Variants in TRPM2 observed in about 807,000 individuals in gnomAD.
The protein encoded by TRPM2 is estrogen-responsive element-associated gene 1 protein.
A neutral mutation model predicts 174.0 loss-of-function variants in TRPM2; 161 were observed. The ratio of observed to expected loss-of-function variants is 0.93; its 90% CI spans 0.81 to 1.05. TRPM2 has a LOEUF of 1.05. Among genes scored for constraint, TRPM2 ranks in the 50% least tolerant of loss-of-function variants. TRPM2 has a pLI of 0.00. For missense variants in TRPM2, 2,057 were observed against 2,038.0 expected, an observed-to-expected ratio of 1.01 and a Z score of -0.18; for synonymous variants, 954 against 861.3, an observed-to-expected ratio of 1.11 and a Z score of -1.88.
intron 26 of TRPM2, 27 bp downstream of exon 26, chr21:44,426,763 C>T (rs2146382737): frequency 6.2e-7 from 1 of 1,612,084 alleles, no homozygotes; most frequent in South Asian, 1.1e-5. Flanking sequence ...GTCCGTGCTC[C>T]CAGCTGGCCC....
chr21:44,425,238 C>T (rs1006149087), intron 24 of TRPM2: 46 of 420,958 alleles, frequency 1.1e-4, no homozygotes, highest in Non-Finnish European at 1.7e-4. Context: ...GCGAGGCGGG[C>T]GGCTGCAGAC....
In TRPM2 at chr21:44,391,111, T is replaced by C. The variant is rs1602197951; in HGVS notation, c.1440+86T>C. 1.4e-5 allele frequency: 22 copies of C among 1,592,304 alleles called. No individual in the cohort carries two copies. In the South Asian group the frequency reaches 2.4e-4, roughly 17 times the overall value. ...AAGCAAGGGCAGGCAAAGTTCGCAT[T>C]GTCTGGATCCCAGCCCTTCCCTTGA... On this transcript the variant is annotated intron_variant, in intron 10 of 31. Coordinates refer to ENST00000397928, the MANE Select transcript of TRPM2 (RefSeq NM_003307.4). The surrounding 1 kb of genome is among the most constrained non-coding windows in gnomAD (Gnocchi z 5.0).
At chr21:44,404,181 A>G (rs1159688463) in intron 16 of TRPM2, among the ~76,000 whole-genome samples, 1 of 152,138 alleles carries the variant, frequency 6.6e-6, no homozygotes, top group African/African-American at 2.4e-5. Flanking sequence ...ACATGCACAC[A>G]CAAAAACATG....
chr21:44,437,179 G>C lies in TRPM2; in HGVS notation c.4167+12G>C, dbSNP rs917338601. 1 of 1,549,178 alleles carries C rather than the reference G, an allele frequency of 6.5e-7. No homozygotes were observed. The highest frequency in any genetic ancestry group is 1.2e-5 in the South Asian group (1 of 84,006). On this transcript the variant is annotated intron_variant, in intron 29 of 31. Transcript: ENST00000397928. ...GGGCCCTGCCTGGGGTAAGGCTGCC[G>C]CGTGTGGGACCTCTGTCCACTGGGC...
At chr21:44,380,743 G>T (rs2048855555) in intron 8 of TRPM2, among the ~76,000 whole-genome samples, 1 of 152,182 alleles carries the variant, frequency 6.6e-6, no homozygotes, top group Non-Finnish European at 1.5e-5. Flanking sequence ...CGTCAGAGGG[G>T]CCCGGGGACC....
At chr21:44,426,936 G>A in intron 26 of TRPM2, 74 bp from the exon 27 acceptor site, 3 of 1,467,954 alleles carry the variant, frequency 2.0e-6, no homozygotes, top group South Asian at 2.5e-5. Context: ...TGGTGGGGGG[G>A]TGATCCCTCT....
upstream of TRPM2, among the ~76,000 whole-genome samples, chr21:44,352,369 G>A (rs975192953): frequency 2.0e-5 from 3 of 152,220 alleles, no homozygotes; most frequent in African/African-American, 7.2e-5. Context: ...GAGAGTGCCC[G>A]CCCCAGGACA....
chr21:44,358,235 C>T (rs949557515), intron 2 of TRPM2, among the ~76,000 whole-genome samples: 2 of 152,220 alleles, frequency 1.3e-5, no homozygotes, highest in Non-Finnish European at 2.9e-5. Flanking sequence ...GACCTTTGTG[C>T]TCACATTTTG....
In TRPM2 at chr21:44,437,043, A is replaced by G. The variant is rs757792151; in HGVS notation, c.4062-19A>G. The G allele has an allele frequency of 2.7e-5, 42 of 1,548,170 alleles. No individual in the cohort carries two copies. The highest frequency in any genetic ancestry group is 3.6e-5 in the Non-Finnish European group (41 of 1,146,062). ...AGGCCGCAGCGGGTCCTGGGCAGCC[A>G]TGGCCGCTCTCTCCGCAGGTGGAGG... On this transcript the variant is annotated intron_variant, in intron 28 of 31. Transcript: ENST00000397928.
intron 16 of TRPM2, among the ~76,000 whole-genome samples, chr21:44,402,452 G>T (rs967287215): frequency 6.6e-6 from 1 of 152,182 alleles, no homozygotes; most frequent in Non-Finnish European, 1.5e-5. Context: ...ATGATGTGTG[G>T]CCTCATGCAT....
At chr21:44,363,310 A>G (rs1180774935) in intron 2 of TRPM2, among the ~76,000 whole-genome samples, 2 of 152,020 alleles carry the variant, frequency 1.3e-5, no homozygotes, top group African/African-American at 4.8e-5. Context: ...ATCTTTTGTT[A>G]TAGTGCTGCA....
chr21:44,355,854 CCGGACACCCA>C (rs1264317195), intron 2 of TRPM2, among the ~76,000 whole-genome samples: 2 of 150,938 alleles, frequency 1.3e-5, no homozygotes, highest in Non-Finnish European at 2.9e-5. Flanking sequence ...GGAATTGTTC[CCGGACACCCA>C]CGGACACCAA....
intron 8 of TRPM2, among the ~76,000 whole-genome samples, chr21:44,382,073 TATGGATGGATGGAAAG>T (rs369299760): frequency 1.6e-3 from 237 of 150,960 alleles, no homozygotes; most frequent in African/African-American, 5.6e-3. Flanking sequence ...TGGGTGTGTG[TATGGATGGATGGAAAG>T]ATGGATGGAT....
chr21:44,367,381 C>T lies in TRPM2; in HGVS notation c.604+447C>T, dbSNP rs1444480748. 6.6e-6 allele frequency among the ~76,000 whole-genome samples: 1 copy of T among 152,196 alleles called. No homozygotes were observed. Among genetic ancestry groups the T allele is most frequent in the Non-Finnish European group, 1.5e-5 (1 of 68,030 alleles). On this transcript the variant is annotated intron_variant, in intron 4 of 31. Transcript: ENST00000397928. This position sits in a 1 kb window ranked among gnomAD's most constrained non-coding sequence, Gnocchi z 4.6. ...CGAGAGTTCCCAGTCATCAAGCTTT[C>T]CATTATCGTGTTTTTCCATCAAAAT... is the stretch of plus-strand genomic sequence containing the variant.
intron 27 of TRPM2, among the ~76,000 whole-genome samples, chr21:44,434,405 GCGGGGACGGTGGCAGGGATGCTGT>G (rs1377043996): frequency 6.6e-6 from 1 of 151,908 alleles, no homozygotes; most frequent in African/African-American, 2.4e-5. Context: ...GGGGATGGTG[GCGGGGACGGTGGCAGGGATGCTGT>G]CGGGGACTAT....
At chr21:44,405,104 C>A in intron 16 of TRPM2, 38 bp from the exon 17 acceptor site, 1 of 1,609,498 alleles carries the variant, frequency 6.2e-7, no homozygotes, top group Non-Finnish European at 8.5e-7. Flanking sequence ...GTAAGAGTGA[C>A]AACCTGTCTG....
rs774673955 is a variant in TRPM2, at chr21:44,375,984, T to C, written c.923T>C (p.Phe308Ser). The change falls in exon 6 of 32, where the codon TTC (phenylalanine) becomes TCC (serine). Residue 308 changes from phenylalanine (F) to serine (S), a missense_variant. Physicochemically the swap from Phe to Ser is radical, Grantham distance 155. Transcript: ENST00000397928. ...CCTCTGAGGACCAGGCTGGAGAAGT[T>C]CATATCGGAGCAGACCAAGGAAAGA... ...EIPLRTRLEK[F>S]ISEQTKERGG... 23 of 1,613,970 alleles carry C rather than the reference T, an allele frequency of 1.4e-5. No homozygotes were observed. The South Asian group carries it at 2.1e-4, about 15-fold the overall frequency.
At chr21:44,388,935 C>A (rs2049093971) in intron 9 of TRPM2, among the ~76,000 whole-genome samples, 1 of 152,152 alleles carries the variant, frequency 6.6e-6, no homozygotes, top group African/African-American at 2.4e-5. Context: ...AAAATATCAA[C>A]TTTATGAAGG....
At chr21:44,350,222 G>T, upstream of TRPM2, 1 of 152,322 alleles carries the variant, frequency 6.6e-6, no homozygotes, top group South Asian at 1.9e-4. Flanking sequence ...GGGCCAGGGC[G>T]GCGGTGCTGC....
Sources: allele counts gnomAD v4.1 joint callset (sites outside exome capture counted in the v4.1 genomes callset), GRCh38; gene constraint gnomAD v4.1.1; non-coding constraint Gnocchi (gnomAD v3.1); transcripts MANE v1.5; gene names NCBI Gene and HGNC (gene_info 2026-07-23, HGNC 2026-07-21).